The following MITF variants were observed in gnomAD, a reference collection of about 807,000 sequenced individuals.
MITF encodes the protein microphthalmia-associated transcription factor.
Under a neutral mutation model 60.5 loss-of-function variants are expected in MITF, and 17 were observed. That is an observed-to-expected ratio of 0.28 (90% CI 0.19 to 0.42). The LOEUF (loss-of-function observed/expected upper bound fraction) is 0.42, where lower values mean the gene tolerates loss of function less well. Ranked by LOEUF, MITF falls within the 10% of genes least tolerant of loss-of-function variation. MITF has a pLI of 1.00. For missense variants in MITF, 622 were observed against 683.5 expected (o/e 0.91, Z 1.00); for synonymous variants, 260 against 248.5 (o/e 1.05, Z -0.43).
At chr3:69,797,225 A>G (rs973012289) in intron 1 of MITF, among the ~76,000 whole-genome samples, 3 of 152,188 alleles carry the variant, frequency 2.0e-5, no homozygotes, top group Non-Finnish European at 4.4e-5. Context: ...CAGGAAATCT[A>G]AAATACCAAT....
intron 2 of MITF, among the ~76,000 whole-genome samples, chr3:69,925,006 T>C (rs977934905): frequency 6.6e-6 from 1 of 152,136 alleles, no homozygotes; most frequent in African/African-American, 2.4e-5. Flanking sequence ...CTCGTCTCCT[T>C]CTTGGTGGCT....
chr3:69,932,542 A>T (rs1026562149), intron 2 of MITF, among the ~76,000 whole-genome samples: 1 of 150,768 alleles, frequency 6.6e-6, no homozygotes, highest in African/African-American at 2.4e-5. Context: ...TTTATTTAAG[A>T]CTCTTTGGTT....
rs1276368195 is a variant in MITF, at chr3:69,812,476, C to A, written c.105-66658C>A. ...GTCATAATAAAATATGCCTGAGGGGCAAAGTTTTTAAGTGTTCATTGAATT... is the reference window on the plus strand; with the variant it reads ...GTCATAATAAAATATGCCTGAGGGGAAAAGTTTTTAAGTGTTCATTGAATT... On this transcript the variant is annotated intron_variant, in intron 1 of 9. Transcript: ENST00000352241. Among the ~76,000 whole-genome samples the A allele has an allele frequency of 2.0e-5, 3 of 152,094 alleles. No individual in the cohort carries two copies. In the East Asian group the frequency reaches 5.8e-4, roughly 29 times the overall value.
At chr3:69,846,417 T>TA (rs2063734527) in intron 1 of MITF, among the ~76,000 whole-genome samples, 1 of 152,200 alleles carries the variant, frequency 6.6e-6, no homozygotes, top group Admixed American at 6.5e-5. Context: ...GACCATGCCT[T>TA]ACTAGTTTCT....
chr3:69,796,917 G>A (rs1385835248), intron 1 of MITF, among the ~76,000 whole-genome samples: 1 of 152,124 alleles, frequency 6.6e-6, no homozygotes, highest in Non-Finnish European at 1.5e-5. Context: ...GGGTTAAGTG[G>A]TTAAAGCAGA....
At chr3:69,914,797 A>G (rs542613073) in intron 2 of MITF, among the ~76,000 whole-genome samples, 1 of 152,210 alleles carries the variant, frequency 6.6e-6, no homozygotes, top group African/African-American at 2.4e-5. Context: ...TTCCTTTGCA[A>G]CCCATGACCT....
chr3:69,883,849 A>G (rs1159919900), intron 2 of MITF, among the ~76,000 whole-genome samples: 3 of 152,134 alleles, frequency 2.0e-5, no homozygotes, highest in Admixed American at 1.3e-4. Context: ...ACCAGCATAT[A>G]CTTATGACCC....
intron 2 of MITF, chr3:69,937,002 T>A: frequency 2.6e-6 from 1 of 388,236 alleles, no homozygotes; most frequent in Non-Finnish European, 4.6e-6. Flanking sequence ...CATCAGCTCC[T>A]GTTCATTGCT....
chr3:69,797,907 G>A (rs976458676), intron 1 of MITF, among the ~76,000 whole-genome samples: 3 of 152,192 alleles, frequency 2.0e-5, no homozygotes, highest in South Asian at 2.1e-4. Flanking sequence ...CAGAAGCAAC[G>A]TACATTTTAG....
intron 1 of MITF, among the ~76,000 whole-genome samples, chr3:69,806,981 A>G (rs1015906563): frequency 3.3e-5 from 5 of 152,166 alleles, no homozygotes; most frequent in Non-Finnish European, 7.3e-5. Context: ...GGTTTTACAC[A>G]TTCATTCCTG....
chr3:69,928,944 T>C (rs149076009), intron 2 of MITF, among the ~76,000 whole-genome samples: 65 of 152,242 alleles, frequency 4.3e-4, no homozygotes, highest in Non-Finnish European at 8.8e-4. Flanking sequence ...GCTGTAAGAA[T>C]TGGCAATCTT....
intron 1 of MITF, among the ~76,000 whole-genome samples, chr3:69,809,663 C>T (rs1323695847): frequency 3.4e-5 from 5 of 146,690 alleles, no homozygotes; most frequent in East Asian, 4.0e-4. Context: ...CTTGCTATTG[C>T]GTATAACATA....
chr3:69,943,402 T>A (rs982324692), intron 5 of MITF, among the ~76,000 whole-genome samples: 1 of 152,102 alleles, frequency 6.6e-6, no homozygotes. Context: ...GTTATTTAGC[T>A]TCCTGAAACC....
Position 69,866,038 on chromosome 3 carries a change from C to CGTGCCT in MITF, c.105-13094_105-13089dup, listed in dbSNP as rs1204130383. ...CTGGCTGCTGGGCTGCCTCCCTGGC[C>CGTGCCT]GTGCCTGGGTCCTTGAGTAGCCCTC... On this transcript the variant is annotated intron_variant, in intron 1 of 9. Coordinates refer to ENST00000352241, the MANE Select transcript of MITF (RefSeq NM_001354604.2). 5.3e-5 allele frequency among the ~76,000 whole-genome samples: 8 copies of CGTGCCT among 152,212 alleles called. No homozygotes were observed. The East Asian group carries it at 1.5e-3, about 29-fold the overall frequency.
In MITF at chr3:69,914,594, G is replaced by A. The variant is rs112896256; in HGVS notation, c.355-23228G>A. On this transcript the variant is annotated intron_variant, in intron 2 of 9. Coordinates refer to ENST00000352241, the MANE Select transcript of MITF (RefSeq NM_001354604.2). ...CTTGGGATACTTCATCTACTTGTGA[G>A]TTGGCAGTAGTGACACCTACCTGTC... is the stretch of plus-strand genomic sequence containing the variant. Among the ~76,000 whole-genome samples, 1,225 of 152,280 alleles carry A rather than the reference G, an allele frequency of 8.0e-3. 13 individuals are homozygous for A. The highest frequency in any genetic ancestry group is 0.028 in the African/African-American group (1,145 of 41,550).
chr3:69,791,352 AGCGTGGTG>A (rs2062736948), intron 1 of MITF, among the ~76,000 whole-genome samples: 1 of 152,198 alleles, frequency 6.6e-6, no homozygotes, highest in African/African-American at 2.4e-5. Context: ...TCTTCTTAAC[AGCGTGGTG>A]GTGGTGGTGG....
intron 2 of MITF, among the ~76,000 whole-genome samples, chr3:69,893,391 T>C (rs1373537164): frequency 6.6e-6 from 1 of 152,078 alleles, no homozygotes; most frequent in African/African-American, 2.4e-5. Context: ...TGGAGTTAGA[T>C]CGGGCGATAT....
At chr3:69,886,218 AT>A (rs1306994274) in intron 2 of MITF, among the ~76,000 whole-genome samples, 1 of 152,152 alleles carries the variant, frequency 6.6e-6, no homozygotes, top group East Asian at 1.9e-4. Context: ...CAGAGCTTCA[AT>A]CCATAGCTTA....
chr3:69,909,968 C>G (rs2065187500), intron 2 of MITF, among the ~76,000 whole-genome samples: 1 of 152,192 alleles, frequency 6.6e-6, no homozygotes, highest in Admixed American at 6.5e-5. Context: ...TCCCCAAGAT[C>G]ATGGGGAAAA....
Sources: gnomAD v4.1 joint callset for allele counts (sites outside exome capture counted in the v4.1 genomes callset) on GRCh38, gnomAD v4.1.1 for gene constraint, MANE v1.5 for transcripts, NCBI Gene and HGNC (gene_info 2026-07-23, HGNC 2026-07-21) for gene names.